Variants in ADGRV1 observed in about 807,000 individuals in gnomAD.
The protein encoded by ADGRV1 is G-protein coupled receptor 98.
In ADGRV1, 359 loss-of-function variants were observed where a neutral mutation model predicts 596.2. The ratio of observed to expected loss-of-function variants is 0.60; its 90% CI spans 0.55 to 0.66. The LOEUF (loss-of-function observed/expected upper bound fraction) is 0.66, where lower values mean the gene tolerates loss of function less well. Ranked by LOEUF, ADGRV1 falls within the 30% of genes least tolerant of loss-of-function variation. The pLI, the probability that ADGRV1 is intolerant of heterozygous loss-of-function variation, is 0.00. For synonymous variants in ADGRV1, 2,681 were observed against 2,679.2 expected (o/e 1.00, Z -0.02); for missense variants, 7,274 against 7,575.6 (o/e 0.96, Z 1.48).
At chr5:91,131,641 CTGTT>C (rs1794229681) in intron 87 of ADGRV1, among the ~76,000 whole-genome samples, 1 of 151,692 alleles carries the variant, frequency 6.6e-6, no homozygotes, top group Non-Finnish European at 1.5e-5. Flanking sequence ...ATGGGGTTGT[CTGTT>C]TGTTTTTCTG....
intron 86 of ADGRV1, among the ~76,000 whole-genome samples, chr5:91,100,002 C>T (rs1791228389): frequency 6.6e-6 from 1 of 152,140 alleles, no homozygotes. Context: ...AGGACTGGGG[C>T]AGAGAATATT....
chr5:90,596,921 A>G (rs1330271502), intron 1 of ADGRV1, among the ~76,000 whole-genome samples: 2 of 152,150 alleles, frequency 1.3e-5, no homozygotes, highest in Non-Finnish European at 2.9e-5. Context: ...CACACTTCTT[A>G]AAACAAAAAC....
intron 85 of ADGRV1, among the ~76,000 whole-genome samples, chr5:91,060,589 T>G (rs189815520): frequency 2.6e-5 from 4 of 152,242 alleles, no homozygotes; most frequent in Admixed American, 2.0e-4. Context: ...GATTAAAATT[T>G]TAATAATAGT....
chr5:91,104,561 A>G (rs1791677286), intron 87 of ADGRV1, among the ~76,000 whole-genome samples: 1 of 152,098 alleles, frequency 6.6e-6, no homozygotes, highest in South Asian at 2.1e-4. Flanking sequence ...TATATCTTTT[A>G]ACAAATCTCT....
rs749894314 is a variant in ADGRV1 at position 90,853,481 on chromosome 5, G to C, written c.17402G>C (p.Ser5801Thr). Reference sequence around the variant, plus strand: ...AAATTAGTCCAGTTTACAGAGTATAGCAGCCAACAGTGGTTTATAAGTGGA... The same window carrying C: ...AAATTAGTCCAGTTTACAGAGTATACCAGCCAACAGTGGTTTATAAGTGGA... ...TCKLVQFTEY[S>T]SQQWFISGNN... The change falls in exon 80 of 90, where the codon AGC (serine) becomes ACC (threonine). Residue 5801 changes from serine to threonine, a missense_variant. Transcript: ENST00000405460. The C allele has an allele frequency of 6.2e-7, 1 of 1,612,818 alleles. No individual in the cohort carries two copies. The highest frequency in any genetic ancestry group is 2.2e-5 in the East Asian group (1 of 44,850).
rs745985500 is a variant in ADGRV1, at chr5:90,674,177, A to G, written c.5053A>G (p.Ile1685Val). Reference protein sequence around the residue: ...LGSTPTSGASIDPEKETTDIT... With the variant: ...LGSTPTSGASVDPEKETTDIT... ...CTCAACTCCTACCAGTGGTGCAAGC[A>G]TAGATCCTGAAAAGGAAACGACTGA... Residue 1685 changes from isoleucine to valine, a missense_variant, in exon 23 of 90, where the codon ATA (isoleucine) becomes GTA (valine). Physicochemically the swap from Ile to Val is conservative, Grantham distance 29. This residue lies in a region of ADGRV1 where 3,643 missense variants were observed against 3,809.2 expected (regional missense o/e 0.96). Coordinates refer to ENST00000405460, the MANE Select transcript of ADGRV1 (RefSeq NM_032119.4). The G allele has an allele frequency of 1.2e-6, 2 of 1,613,118 alleles. No individual in the cohort carries two copies. Among genetic ancestry groups the G allele is most frequent in the South Asian group, 1.1e-5 (1 of 90,806 alleles).
intron 50 of ADGRV1, among the ~76,000 whole-genome samples, chr5:90,743,061 C>T (rs1754164704): frequency 6.6e-6 from 1 of 152,122 alleles, no homozygotes; most frequent in African/African-American, 2.4e-5. Flanking sequence ...TGCTGATATA[C>T]ATTGGAAGTC....
chr5:91,149,886 C>T (rs1450425379), intron 87 of ADGRV1, 144 bp from the exon 88 acceptor site: 1 of 489,548 alleles, frequency 2.0e-6, no homozygotes, highest in East Asian at 3.6e-5. Context: ...AACAAATTAC[C>T]CAGTCTTGGG....
At chr5:90,772,257 C>T (rs557140979) in intron 59 of ADGRV1, among the ~76,000 whole-genome samples, 1 of 152,296 alleles carries the variant, frequency 6.6e-6, no homozygotes, top group South Asian at 2.1e-4. Flanking sequence ...CATTCAGGGA[C>T]ATACAGAAAG....
chr5:90,775,354 G>A (rs1758117293), intron 60 of ADGRV1, among the ~76,000 whole-genome samples: 1 of 152,084 alleles, frequency 6.6e-6, no homozygotes, highest in Admixed American at 6.6e-5. Flanking sequence ...TAAGTCTTTA[G>A]TTAGCTTTAG....
intron 1 of ADGRV1, among the ~76,000 whole-genome samples, chr5:90,572,226 G>A (rs1580309071): frequency 1.3e-5 from 2 of 152,242 alleles, no homozygotes; most frequent in Admixed American, 6.5e-5. Context: ...AACAGTGGAT[G>A]TATGTTGATA....
Position 90,647,774 on chromosome 5 carries a change from T to G in ADGRV1, c.3289+10T>G. On this transcript the variant is annotated intron_variant, in intron 17 of 89. Transcript: ENST00000405460. ...CTCTTGAATTCAACAGGTAAGTAAA[T>G]TATGCTTTTTTATGGCAGATCTGCC... 1 of 1,604,982 alleles carries G rather than the reference T, an allele frequency of 6.2e-7. No homozygotes were observed. The highest frequency in any genetic ancestry group is 8.5e-7 in the Non-Finnish European group (1 of 1,174,866).
In ADGRV1 at chr5:90,745,126, G is replaced by C. The variant is rs1754465267; in HGVS notation, c.10630G>C (p.Glu3544Gln). The change falls in exon 51 of 90, where the codon GAA becomes CAA. Residue 3544 changes from glutamate (E) to glutamine (Q), a missense_variant. Transcript: ENST00000405460. ...SERNQFSFVLEVPSAYDVASV... is the reference protein window; with the variant it reads ...SERNQFSFVLQVPSAYDVASV... ...GCGTAATCAATTCTCTTTTGTTCTG[G>C]AAGTACCTTCTGCTTATGATGTGGC... 3.1e-6 allele frequency: 5 copies of C among 1,613,652 alleles called. No individual in the cohort carries two copies. In the East Asian group the frequency reaches 8.9e-5, roughly 29 times the overall value.
intron 87 of ADGRV1, among the ~76,000 whole-genome samples, chr5:91,112,770 T>C (rs2126702501): frequency 6.6e-6 from 1 of 152,306 alleles, no homozygotes; most frequent in South Asian, 2.1e-4. Flanking sequence ...GTGCATGCAG[T>C]TAAGTGTCAA....
chr5:91,135,255 C>T (rs950027619), intron 87 of ADGRV1, among the ~76,000 whole-genome samples: 4 of 151,744 alleles, frequency 2.6e-5, no homozygotes, highest in Admixed American at 1.3e-4. Context: ...ATTATTTTAA[C>T]CCAATAAAGT....
In ADGRV1 at chr5:91,047,922, G is replaced by A. The variant is rs1785971330; in HGVS notation, c.18153-24525G>A. ...TGTAAATCACAAAGATAGTCTTGAC[G>A]CAATTATTTAAAAATCTAGTCCCAT... On this transcript the variant is annotated intron_variant, in intron 85 of 89. Transcript: ENST00000405460. Among the ~76,000 whole-genome samples the A allele has an allele frequency of 2.6e-5, 4 of 152,114 alleles. No individual in the cohort carries two copies. The South Asian group carries it at 6.2e-4, about 24-fold the overall frequency.
chr5:90,725,533 C>T lies in ADGRV1; in HGVS notation c.10054-16C>T, dbSNP rs756624954. 3.2e-5 allele frequency: 41 copies of T among 1,295,002 alleles called. 1 individual carries two copies. The South Asian group carries it at 4.9e-4, about 16-fold the overall frequency. 80.2% of individuals were successfully genotyped at this position (1,295,002 alleles called of 1,614,324 possible). ...CAACTCTCCTTTAAGTTTTCATTCCCACTCTGTCCTTGCAGGTACAAACAA... is the reference window on the plus strand; with the variant it reads ...CAACTCTCCTTTAAGTTTTCATTCCTACTCTGTCCTTGCAGGTACAAACAA... On this transcript the variant is annotated splice_polypyrimidine_tract_variant and intron_variant, in intron 47 of 89. Coordinates refer to ENST00000405460, the MANE Select transcript of ADGRV1 (RefSeq NM_032119.4).
chr5:90,832,713 T>C (rs972754861), intron 77 of ADGRV1, among the ~76,000 whole-genome samples: 5 of 152,224 alleles, frequency 3.3e-5, no homozygotes, highest in African/African-American at 1.2e-4. Context: ...TGTAGTAGTT[T>C]CTTAGTTTGA....
chr5:90,587,414 A>G lies in ADGRV1; in HGVS notation c.23-27421A>G, dbSNP rs543295270. On this transcript the variant is annotated intron_variant, in intron 1 of 89. Transcript: ENST00000405460. ...GTTGTCATTACTTGGAAGTCTTTTT[A>G]GTGGACAGAGCCAGGAAATATGTAT... 2.0e-5 allele frequency among the ~76,000 whole-genome samples: 3 copies of G among 152,266 alleles called. No individual in the cohort carries two copies. In the East Asian group the frequency reaches 5.8e-4, roughly 29 times the overall value.
Sources: gnomAD v4.1 joint callset for allele counts (sites outside exome capture counted in the v4.1 genomes callset) on GRCh38, gnomAD v4.1.1 for gene constraint, gnomAD v4.1.1 regional missense constraint, MANE v1.5 for transcripts, NCBI Gene and HGNC (gene_info 2026-07-23, HGNC 2026-07-21) for gene names.